Variants in GRIN3A observed in about 807,000 individuals in gnomAD.
GRIN3A encodes the protein glutamate ionotropic receptor NMDA type subunit 3A.
GRIN3A carries 47 observed loss-of-function variants against 92.4 expected under a neutral mutation model. That is an observed-to-expected ratio of 0.51 (90% CI 0.40 to 0.65). The LOEUF (loss-of-function observed/expected upper bound fraction) is 0.65, where lower values mean the gene tolerates loss of function less well. GRIN3A is among the 30% of genes least tolerant of loss of function. GRIN3A has a pLI of 0.00. For missense variants in GRIN3A, 1,324 were observed against 1,393.1 expected (o/e 0.95, Z 0.79); for synonymous variants, 527 against 540.6 (o/e 0.97, Z 0.35).
In GRIN3A at chr9:101,613,643, CA is replaced by C. The variant is rs1414247729; in HGVS notation, c.2615-117del. The C allele has an allele frequency of 5.4e-4, 509 of 935,358 alleles. 4 individuals carry two copies. The African/African-American group carries it at 7.6e-3, about 14-fold the overall frequency. 57.9% of individuals were successfully genotyped at this position (935,358 alleles called of 1,614,324 possible). ...CCAAAAAAAGGGCGTGATGAGTTTT[CA>C]TCAACTTTCTTTCAAAGCACTCAAA... On this transcript the variant is annotated intron_variant, in intron 5 of 8. Transcript: ENST00000361820.
chr9:101,601,970 A>C (rs1250131102), intron 6 of GRIN3A, among the ~76,000 whole-genome samples: 1 of 152,268 alleles, frequency 6.6e-6, no homozygotes, highest in South Asian at 2.1e-4. Flanking sequence ...CCAACCCATA[A>C]CACCTAGGCT....
intron 1 of GRIN3A, among the ~76,000 whole-genome samples, chr9:101,720,559 T>C (rs1321423817): frequency 6.6e-6 from 1 of 152,196 alleles, no homozygotes; most frequent in African/African-American, 2.4e-5. Flanking sequence ...AGAACTCTGC[T>C]ATACAATGGG....
At chr9:101,713,344 C>G (rs1216512523) in intron 1 of GRIN3A, among the ~76,000 whole-genome samples, 1 of 152,156 alleles carries the variant, frequency 6.6e-6, no homozygotes, top group East Asian at 1.9e-4. Flanking sequence ...TTTAAATGTA[C>G]TTGATTGGTT....
chr9:101,630,734 C>G (rs1177243625), intron 3 of GRIN3A, among the ~76,000 whole-genome samples: 5 of 152,164 alleles, frequency 3.3e-5, no homozygotes, highest in Non-Finnish European at 2.9e-5. Context: ...TCTTATTTTG[C>G]AGATTAAAAC....
chr9:101,609,911 C>A (rs1251501047), intron 6 of GRIN3A, among the ~76,000 whole-genome samples: 1 of 152,178 alleles, frequency 6.6e-6, no homozygotes, highest in Non-Finnish European at 1.5e-5. Flanking sequence ...ATTTCCCAGT[C>A]TGGTCTTGAA....
chr9:101,673,993 G>C (rs1183840680), intron 2 of GRIN3A, among the ~76,000 whole-genome samples: 1 of 152,108 alleles, frequency 6.6e-6, no homozygotes, highest in Non-Finnish European at 1.5e-5. Context: ...TCGTAGAGGA[G>C]GAAGTGCCAG....
chr9:101,644,643 G>T (rs181227112), intron 3 of GRIN3A, among the ~76,000 whole-genome samples: 1 of 151,768 alleles, frequency 6.6e-6, no homozygotes, highest in African/African-American at 2.4e-5. Context: ...TATTTAATCC[G>T]ACAAGTAATT....
At chr9:101,688,776 A>G (rs2118981920) in intron 1 of GRIN3A, among the ~76,000 whole-genome samples, 1 of 152,212 alleles carries the variant, frequency 6.6e-6, no homozygotes, top group African/African-American at 2.4e-5. Context: ...AAAATTAGCC[A>G]GAAATAGCTT....
At chr9:101,594,528 G>C in intron 6 of GRIN3A, 1 of 1,614,148 alleles carries the variant, frequency 6.2e-7, no homozygotes, top group East Asian at 2.2e-5. Flanking sequence ...TTGTCGACCA[G>C]CTGCTGGAGC....
chr9:101,661,929 T>C (rs1170659683), intron 3 of GRIN3A, among the ~76,000 whole-genome samples: 1 of 151,926 alleles, frequency 6.6e-6, no homozygotes, highest in African/African-American at 2.4e-5. Context: ...TCTGTTTTAA[T>C]TTAGCATTTC....
intron 6 of GRIN3A, chr9:101,603,011 A>T (rs1473517655): frequency 6.6e-6 from 1 of 152,204 alleles, no homozygotes; most frequent in Non-Finnish European, 1.5e-5. Context: ...AAGCATCTTC[A>T]CTTTTTCCCA....
chr9:101,652,736 G>A (rs1242385070), intron 3 of GRIN3A, among the ~76,000 whole-genome samples: 1 of 152,030 alleles, frequency 6.6e-6, no homozygotes, highest in Non-Finnish European at 1.5e-5. Flanking sequence ...AACTAGTTGA[G>A]TAAATGCGTC....
intron 1 of GRIN3A, among the ~76,000 whole-genome samples, chr9:101,691,324 C>G (rs566226492): frequency 3.3e-5 from 5 of 152,118 alleles, no homozygotes; most frequent in Admixed American, 1.3e-4. Flanking sequence ...TAAACACTTC[C>G]TATAACTAGA....
At chr9:101,586,380 A>T (rs1250782425) in intron 6 of GRIN3A, among the ~76,000 whole-genome samples, 1 of 152,234 alleles carries the variant, frequency 6.6e-6, no homozygotes, top group African/African-American at 2.4e-5. Flanking sequence ...GAATGAAAGC[A>T]TATGAAAACT....
intron 1 of GRIN3A, among the ~76,000 whole-genome samples, chr9:101,731,600 C>T (rs1830140210): frequency 6.6e-6 from 1 of 152,166 alleles, no homozygotes; most frequent in Admixed American, 6.5e-5. Flanking sequence ...CAGACACCAG[C>T]CTTTCAATGT....
chr9:101,606,277 C>T (rs369734894), intron 6 of GRIN3A, among the ~76,000 whole-genome samples: 31 of 152,312 alleles, frequency 2.0e-4, no homozygotes, highest in East Asian at 1.4e-3. Flanking sequence ...CTTTCTTCCT[C>T]CTGCTTTGTG....
chr9:101,716,871 G>A (rs1435350633), intron 1 of GRIN3A, among the ~76,000 whole-genome samples: 1 of 152,120 alleles, frequency 6.6e-6, no homozygotes, highest in Admixed American at 6.6e-5. Flanking sequence ...ATCCAGTCTG[G>A]CTTCCCTTGA....
At chr9:101,645,945 G>A (rs1398156820) in intron 3 of GRIN3A, among the ~76,000 whole-genome samples, 1 of 151,462 alleles carries the variant, frequency 6.6e-6, no homozygotes, top group Admixed American at 6.6e-5. Flanking sequence ...CTACAGAATT[G>A]TTTGAGATCC....
chr9:101,699,243 A>G (rs973254600), intron 1 of GRIN3A, among the ~76,000 whole-genome samples: 3 of 152,134 alleles, frequency 2.0e-5, no homozygotes, highest in African/African-American at 4.8e-5. Context: ...CATATCACTG[A>G]CTTCCACCTC....
Sources: gnomAD v4.1 joint callset for allele counts (sites outside exome capture counted in the v4.1 genomes callset) on GRCh38, gnomAD v4.1.1 for gene constraint, MANE v1.5 for transcripts, NCBI Gene and HGNC (gene_info 2026-07-23, HGNC 2026-07-21) for gene names.